Variants in SEMA3E observed in about 807,000 individuals in gnomAD.
The protein encoded by SEMA3E is semaphorin 3E.
A neutral mutation model predicts 93.6 loss-of-function variants in SEMA3E; 49 were observed. That is an observed-to-expected ratio of 0.52 (90% confidence interval 0.42 to 0.66). The LOEUF is 0.66. Ranked by LOEUF, SEMA3E falls within the 30% of genes least tolerant of loss-of-function variation. SEMA3E has a pLI of 0.00. For missense variants in SEMA3E, 906 were observed against 964.8 expected (o/e 0.94, Z 0.81); for synonymous variants, 363 against 330.7 (o/e 1.10, Z -1.06).
At position 83,402,431 on chromosome 7, in the gene SEMA3E, T is replaced by C. The variant is rs546460380; in HGVS notation, c.1143+201A>G. ...ATAATACTGCTGTGTCCATTATATA[T>C]TATATTCTTTTTATTAAATAACAAG... On this transcript the variant is annotated intron_variant, in intron 10 of 16. Transcript: ENST00000643230. Among the ~76,000 whole-genome samples the C allele has an allele frequency of 5.9e-5, 9 of 152,114 alleles. No homozygotes were observed. The East Asian group carries it at 1.7e-3, about 29-fold the overall frequency.
At chr7:83,500,372 G>T (rs934689490) in intron 1 of SEMA3E, among the ~76,000 whole-genome samples, 1 of 152,052 alleles carries the variant, frequency 6.6e-6, no homozygotes, top group African/African-American at 2.4e-5. Context: ...AGAGGTGGAG[G>T]TTGCAGTGAG....
intron 4 of SEMA3E, among the ~76,000 whole-genome samples, chr7:83,429,933 T>C (rs949550097): frequency 1.3e-5 from 2 of 152,174 alleles, no homozygotes; most frequent in Non-Finnish European, 1.5e-5. Context: ...CTCTAAGAAA[T>C]CTCCAATCAA....
At chr7:83,556,897 A>G (rs1791907342) in intron 1 of SEMA3E, among the ~76,000 whole-genome samples, 1 of 152,096 alleles carries the variant, frequency 6.6e-6, no homozygotes, top group Non-Finnish European at 1.5e-5. Flanking sequence ...TTCCATCCTC[A>G]CCTTGGACTT....
intron 4 of SEMA3E, among the ~76,000 whole-genome samples, chr7:83,432,299 A>G (rs967904694): frequency 6.6e-6 from 1 of 151,936 alleles, no homozygotes; most frequent in Non-Finnish European, 1.5e-5. Flanking sequence ...GTGGCAATAG[A>G]GCATGGTTTA....
intron 1 of SEMA3E, among the ~76,000 whole-genome samples, chr7:83,535,302 T>C (rs1049908157): frequency 6.6e-6 from 1 of 152,166 alleles, no homozygotes; most frequent in East Asian, 1.9e-4. Flanking sequence ...GCATCAACCA[T>C]GCTTCCTGCC....
At chr7:83,619,904 C>CAGATAGATAGATAGATAGATAGAT (rs1554344946) in intron 1 of SEMA3E, among the ~76,000 whole-genome samples, 6 of 148,040 alleles carry the variant, frequency 4.1e-5, no homozygotes, top group South Asian at 2.2e-4. Context: ...GATAGATAGA[C>CAGATAGATAGATAGATAGATAGAT]AGATAGATAG....
chr7:83,443,998 G>C (rs1163074313), intron 4 of SEMA3E, among the ~76,000 whole-genome samples: 1 of 151,714 alleles, frequency 6.6e-6, no homozygotes, highest in African/African-American at 2.4e-5. Flanking sequence ...TTATGTTGAA[G>C]CATGAAGATA....
intron 1 of SEMA3E, among the ~76,000 whole-genome samples, chr7:83,540,732 G>C (rs1247993145): frequency 6.6e-6 from 1 of 152,198 alleles, no homozygotes; most frequent in East Asian, 1.9e-4. Flanking sequence ...ATGTATCTCT[G>C]AGTGTGAAGG....
At chr7:83,457,003 C>T (rs1309009980) in intron 4 of SEMA3E, among the ~76,000 whole-genome samples, 2 of 152,168 alleles carry the variant, frequency 1.3e-5, no homozygotes, top group East Asian at 3.9e-4. Flanking sequence ...TATCCCCTTA[C>T]TAAAACTGTA....
chr7:83,509,881 T>A (rs527733209), intron 1 of SEMA3E, among the ~76,000 whole-genome samples: 1 of 152,210 alleles, frequency 6.6e-6, no homozygotes, highest in Non-Finnish European at 1.5e-5. Context: ...AGTCCCTGGG[T>A]TCACAAGCTT....
chr7:83,577,399 T>C (rs1792428393), intron 1 of SEMA3E, among the ~76,000 whole-genome samples: 1 of 152,212 alleles, frequency 6.6e-6, no homozygotes, highest in Non-Finnish European at 1.5e-5. Flanking sequence ...AGGATGTAAG[T>C]AACTTACCAA....
intron 1 of SEMA3E, among the ~76,000 whole-genome samples, chr7:83,638,502 C>T (rs956610719): frequency 6.6e-6 from 1 of 152,044 alleles, no homozygotes; most frequent in Non-Finnish European, 1.5e-5. Flanking sequence ...CAATTTACAC[C>T]ATCAATAATC....
intron 1 of SEMA3E, among the ~76,000 whole-genome samples, chr7:83,547,214 C>T: frequency 6.6e-6 from 1 of 152,136 alleles, no homozygotes; most frequent in South Asian, 2.1e-4. Context: ...TTTTGGTAAT[C>T]TTTATGAAGT....
chr7:83,405,300 A>G, intron 9 of SEMA3E, 150 bp downstream of exon 9: 1 of 648,122 alleles, frequency 1.5e-6, no homozygotes, highest in Non-Finnish European at 2.7e-6. Flanking sequence ...CAAACGTTGG[A>G]AAATAAAGAT....
intron 2 of SEMA3E, among the ~76,000 whole-genome samples, chr7:83,470,396 C>G (rs1455387285): frequency 6.6e-6 from 1 of 151,920 alleles, no homozygotes; most frequent in African/African-American, 2.4e-5. Context: ...CCCCTTTTTG[C>G]TTAATCTATA....
rs538632317 is a variant in SEMA3E, at chr7:83,570,283, G to T, written c.115+78145C>A. 5.7e-3 allele frequency among the ~76,000 whole-genome samples: 874 copies of T among 152,204 alleles called. 10 individuals carry two copies. The highest frequency in any genetic ancestry group is 0.01 in the Middle Eastern group (3 of 294). ...ATCAAGAAGTTAGAGGCCGGGCGCG[G>T]TGGCTCACGCCTGTAATCCCAGCAC... On this transcript the variant is annotated intron_variant, in intron 1 of 16. Coordinates refer to ENST00000643230, the MANE Select transcript of SEMA3E (RefSeq NM_012431.3).
At chr7:83,433,567 AC>A (rs145610253) in intron 4 of SEMA3E, among the ~76,000 whole-genome samples, 26,006 of 152,112 alleles carry the variant, frequency 0.17, 2,998 homozygotes, top group Middle Eastern at 0.3. Context: ...AGAAGCTTTC[AC>A]ATTCTGAACA....
At chr7:83,438,712 A>G (rs1396603478) in intron 4 of SEMA3E, among the ~76,000 whole-genome samples, 1 of 152,000 alleles carries the variant, frequency 6.6e-6, no homozygotes, top group Non-Finnish European at 1.5e-5. Context: ...TGCTATATAT[A>G]TTATAATTTA....
At chr7:83,573,984 C>G (rs1046759576) in intron 1 of SEMA3E, among the ~76,000 whole-genome samples, 1 of 151,876 alleles carries the variant, frequency 6.6e-6, no homozygotes, top group Non-Finnish European at 1.5e-5. Flanking sequence ...TAAAAATGGA[C>G]TAAAATGTAA....
Sources: allele counts gnomAD v4.1 joint callset (sites outside exome capture counted in the v4.1 genomes callset), GRCh38; gene constraint gnomAD v4.1.1; transcripts MANE v1.5; gene names NCBI Gene and HGNC (gene_info 2026-07-23, HGNC 2026-07-21).